Variants in COBL observed in about 807,000 individuals in gnomAD.
COBL encodes protein cordon-bleu.
COBL carries 51 observed loss-of-function variants against 98.8 expected under a neutral mutation model. That is an observed-to-expected ratio of 0.52 (90% confidence interval 0.41 to 0.65). COBL has a LOEUF of 0.65. COBL is among the 30% of genes least tolerant of loss of function. The probability of loss-of-function intolerance (pLI) is 0.00; values close to 1 mark genes in which losing one functional copy is unlikely to be tolerated. For missense variants in COBL, 1,617 were observed against 1,617.5 expected (o/e 1.00, Z 0.01); for synonymous variants, 634 against 651.7 (o/e 0.97, Z 0.41).
At chr7:51,086,604 GAA>G (rs1015144564) in intron 6 of COBL, among the ~76,000 whole-genome samples, 60 of 148,708 alleles carry the variant, frequency 4.0e-4, no homozygotes, top group African/African-American at 1.5e-3. Context: ...ATGGGAGAGA[GAA>G]AGGGGGAGAG....
At chr7:51,020,410 G>A (rs1382324127) in intron 12 of COBL, among the ~76,000 whole-genome samples, 3 of 152,194 alleles carry the variant, frequency 2.0e-5, no homozygotes, top group African/African-American at 7.2e-5. Context: ...TGAGGGCACA[G>A]ATGAAGCTTC....
At chr7:51,241,120 G>C (rs764971064) in intron 1 of COBL, among the ~76,000 whole-genome samples, 6 of 152,154 alleles carry the variant, frequency 3.9e-5, no homozygotes, top group Non-Finnish European at 5.9e-5. Context: ...AAACACGAGT[G>C]GGCACAGCAC....
intron 1 of COBL, among the ~76,000 whole-genome samples, chr7:51,220,841 C>T (rs1483033471): frequency 6.6e-6 from 1 of 152,144 alleles, no homozygotes; most frequent in Non-Finnish European, 1.5e-5. Context: ...TTTAGAAATT[C>T]TTGTTTCCGC....
chr7:51,174,974 C>T (rs1251775861), intron 5 of COBL, among the ~76,000 whole-genome samples: 1 of 152,234 alleles, frequency 6.6e-6, no homozygotes, highest in East Asian at 1.9e-4. Flanking sequence ...AGACCCAGCT[C>T]TTGGTACCAG....
chr7:51,204,539 CA>C (rs1056747386), intron 2 of COBL, among the ~76,000 whole-genome samples: 1 of 145,542 alleles, frequency 6.9e-6, no homozygotes, highest in Admixed American at 6.9e-5. Context: ...AAAATCAATA[CA>C]AAAAAATCAG....
At chr7:51,235,537 G>C (rs1406197166) in intron 1 of COBL, among the ~76,000 whole-genome samples, 1 of 152,128 alleles carries the variant, frequency 6.6e-6, no homozygotes, top group Non-Finnish European at 1.5e-5. Flanking sequence ...AACTTTTGCT[G>C]CAAGTGCGTG....
intron 1 of COBL, among the ~76,000 whole-genome samples, chr7:51,237,576 TG>T: frequency 6.9e-6 from 1 of 145,332 alleles, no homozygotes; most frequent in African/African-American, 2.6e-5. Flanking sequence ...TAGGAGAGGG[TG>T]TAGTAATACA....
chr7:51,238,561 C>A (rs900281389), intron 1 of COBL, among the ~76,000 whole-genome samples: 3 of 152,170 alleles, frequency 2.0e-5, no homozygotes, highest in African/African-American at 7.2e-5. Flanking sequence ...CAGAGCAACT[C>A]CATCTTGAAT....
intron 1 of COBL, among the ~76,000 whole-genome samples, chr7:51,298,863 C>T (rs953003297): frequency 6.6e-6 from 1 of 152,184 alleles, no homozygotes; most frequent in African/African-American, 2.4e-5. Flanking sequence ...CAGATGACAT[C>T]GAAGCTCTGA....
intron 2 of COBL, among the ~76,000 whole-genome samples, chr7:51,215,728 G>A (rs974147557): frequency 6.6e-6 from 1 of 152,224 alleles, no homozygotes; most frequent in African/African-American, 2.4e-5. Context: ...CTGGGGCCAG[G>A]ACCTCACATC....
At chr7:51,133,583 G>A (rs938892619) in intron 6 of COBL, among the ~76,000 whole-genome samples, 3 of 152,228 alleles carry the variant, frequency 2.0e-5, no homozygotes, top group East Asian at 1.9e-4. Context: ...CCCTTTGGGT[G>A]ATCTGATGCC....
chr7:51,075,305 A>G (rs947554660), intron 7 of COBL, among the ~76,000 whole-genome samples: 3 of 152,240 alleles, frequency 2.0e-5, no homozygotes, highest in African/African-American at 7.2e-5. Context: ...GCTAATTCCT[A>G]TGCTATAAAT....
At chr7:51,049,079 C>G (rs1789993128) in intron 7 of COBL, among the ~76,000 whole-genome samples, 1 of 152,304 alleles carries the variant, frequency 6.6e-6, no homozygotes, top group East Asian at 1.9e-4. Context: ...AAAATCACTT[C>G]ATTAATCTGT....
At chr7:51,142,177 A>T (rs1289849177) in intron 5 of COBL, among the ~76,000 whole-genome samples, 2 of 152,066 alleles carry the variant, frequency 1.3e-5, no homozygotes, top group African/African-American at 4.8e-5. Flanking sequence ...GTAGGAAATG[A>T]TCGCTCTTTT....
chr7:51,252,221 C>A (rs987888561), intron 1 of COBL, among the ~76,000 whole-genome samples: 2 of 152,104 alleles, frequency 1.3e-5, no homozygotes, highest in Non-Finnish European at 1.5e-5. Flanking sequence ...ATTCACACAC[C>A]ATATAATTTG....
chr7:51,072,821 T>C (rs948245827), intron 7 of COBL: 1 of 152,166 alleles, frequency 6.6e-6, no homozygotes. Context: ...CACAAAGACA[T>C]TGGGTCCTAT....
chr7:51,172,433 C>T (rs1787960814), intron 5 of COBL: 1 of 1,275,268 alleles, frequency 7.8e-7, no homozygotes, highest in African/African-American at 1.5e-5. Flanking sequence ...AGCGGAAGCA[C>T]CTGCTGGGGC....
At position 51,227,117 on chromosome 7, in the gene COBL, T is replaced by C. The variant is rs1794282018; in HGVS notation, c.42-7173A>G. ...GACACATACTAGAACGCTGGTGCCC[T>C]GCAGTGCCGGCTGATGAGCGGTGAG... is the stretch of plus-strand genomic sequence containing the variant. On this transcript the variant is annotated intron_variant, in intron 1 of 12. Transcript: ENST00000265136. Among the ~76,000 whole-genome samples, 4 of 152,194 alleles carry C rather than the reference T, an allele frequency of 2.6e-5. No individual in the cohort carries two copies. The South Asian group carries it at 8.3e-4, about 32-fold the overall frequency.
At chr7:51,080,522 GGCC>G (rs1793545407) in intron 7 of COBL, among the ~76,000 whole-genome samples, 1 of 152,174 alleles carries the variant, frequency 6.6e-6, no homozygotes, top group African/African-American at 2.4e-5. Context: ...ATGGTGGTAA[GGCC>G]TCCTGCCTCG....
Sources: gnomAD v4.1 joint callset for allele counts (sites outside exome capture counted in the v4.1 genomes callset) on GRCh38, gnomAD v4.1.1 for gene constraint, MANE v1.5 for transcripts, NCBI Gene and HGNC (gene_info 2026-07-23, HGNC 2026-07-21) for gene names.